CPNE2: variants seen among roughly 807,000 people sequenced by gnomAD.
CPNE2 encodes the protein copine 2.
In CPNE2, 42 loss-of-function variants were observed where a neutral mutation model predicts 69.7. The observed-to-expected ratio is 0.60, with a 90% CI of 0.47 to 0.78. CPNE2 has a LOEUF of 0.78. Ranked by LOEUF, CPNE2 falls within the 30% of genes least tolerant of loss-of-function variation. CPNE2 has a pLI of 0.00. For synonymous variants in CPNE2, 294 were observed against 289.8 expected, an observed-to-expected ratio of 1.01 and a Z score of -0.15; for missense variants, 587 against 732.0, an observed-to-expected ratio of 0.80 and a Z score of 2.29.
chr16:57,096,437 A>T (rs1366608752), intron 1 of CPNE2, among the ~76,000 whole-genome samples: 3 of 152,140 alleles, frequency 2.0e-5, no homozygotes, highest in Admixed American at 1.3e-4. Flanking sequence ...CACACCTGTA[A>T]TCCCAGTACT....
At chr16:57,101,541 G>A (rs1250525348) in intron 1 of CPNE2, among the ~76,000 whole-genome samples, 3 of 152,192 alleles carry the variant, frequency 2.0e-5, no homozygotes, top group South Asian at 2.1e-4. Flanking sequence ...CTGGAAGCTC[G>A]GTGTGTGAAG....
At chr16:57,139,977 A>G (rs1437812949) in intron 14 of CPNE2, among the ~76,000 whole-genome samples, 4 of 152,096 alleles carry the variant, frequency 2.6e-5, no homozygotes, top group African/African-American at 9.7e-5. Context: ...AGGGACGGAG[A>G]AGGACAGGCC....
intron 14 of CPNE2, chr16:57,141,149 C>T (rs2069919792): frequency 6.6e-6 from 1 of 152,348 alleles, no homozygotes; most frequent in South Asian, 2.1e-4. Flanking sequence ...AGAGCTGGGG[C>T]AGGACTGGGC....
At chr16:57,131,043 G>A (rs1255509053) in intron 12 of CPNE2, among the ~76,000 whole-genome samples, 1 of 152,148 alleles carries the variant, frequency 6.6e-6, no homozygotes, top group Non-Finnish European at 1.5e-5. Flanking sequence ...ATGCTGGGGA[G>A]TCGCTGCAGA....
intron 12 of CPNE2, among the ~76,000 whole-genome samples, chr16:57,134,235 T>G (rs553606876): frequency 6.6e-6 from 1 of 152,252 alleles, no homozygotes; most frequent in Admixed American, 6.5e-5. Context: ...TCTGATCCCC[T>G]TGCAGCCCCC....
chr16:57,140,574 T>A (rs1417029555), intron 14 of CPNE2, among the ~76,000 whole-genome samples: 1 of 150,716 alleles, frequency 6.6e-6, no homozygotes, highest in Admixed American at 6.6e-5. Flanking sequence ...GGAGGGATAT[T>A]TTTTTTTTGA....
chr16:57,118,648 A>AGATGGATGGATGGATG (rs3054318), intron 5 of CPNE2, among the ~76,000 whole-genome samples: 11 of 141,776 alleles, frequency 7.8e-5, no homozygotes, highest in Non-Finnish European at 1.4e-4. Context: ...GAGACCCCAT[A>AGATGGATGGATGGATG]GATGGATGGA....
At chr16:57,110,219 CTTTTCTT>C (rs1475197654) in intron 1 of CPNE2, among the ~76,000 whole-genome samples, 2 of 121,578 alleles carry the variant, frequency 1.6e-5, no homozygotes, top group Admixed American at 1.1e-4. Context: ...TTTTTCTTTT[CTTTTCTT>C]TTTTTTTTTT....
intron 14 of CPNE2, among the ~76,000 whole-genome samples, chr16:57,139,718 G>A (rs1417279292): frequency 2.6e-5 from 4 of 152,122 alleles, no homozygotes; most frequent in South Asian, 4.1e-4. Context: ...CAATAGGAGT[G>A]GGGAGTGGCA....
chr16:57,137,024 G>C (rs72778715), intron 13 of CPNE2, 125 bp from the exon 14 acceptor site: 186,634 of 1,366,010 alleles, frequency 0.14, 14,132 homozygotes, highest in Non-Finnish European at 0.15. Flanking sequence ...TGTCTCACAA[G>C]GCCTATGCTA....
rs78343717 is a variant in CPNE2, at chr16:57,096,119, T to G, written c.-36+3329T>G. Among the ~76,000 whole-genome samples, 781 of 152,302 alleles carry G rather than the reference T, an allele frequency of 5.1e-3. 3 individuals carry two copies. Among genetic ancestry groups the G allele is most frequent in the Non-Finnish European group, 8.5e-3 (576 of 68,028 alleles). Reference sequence around the variant, plus strand: ...TGCAGCCTCCTGTTAAATGAGTCTGTGATGTTGAGTGATGGATCCTGGGAG... The same window carrying G: ...TGCAGCCTCCTGTTAAATGAGTCTGGGATGTTGAGTGATGGATCCTGGGAG... On this transcript the variant is annotated intron_variant, in intron 1 of 15. Coordinates refer to ENST00000290776, the MANE Select transcript of CPNE2 (RefSeq NM_152727.6).
chr16:57,122,086 T>C (rs2069767177), intron 9 of CPNE2, among the ~76,000 whole-genome samples: 1 of 152,212 alleles, frequency 6.6e-6, no homozygotes, highest in Non-Finnish European at 1.5e-5. Context: ...ACGGTGGGCA[T>C]GCAAGGGGCA....
At position 57,146,226 on chromosome 16, in the gene CPNE2, T is replaced by C; in HGVS notation, c.1444T>C (p.Phe482Leu). The change falls in exon 15 of 16, where the codon TTC (phenylalanine) becomes CTC (leucine). Residue 482 changes from phenylalanine to leucine, a missense_variant. By Grantham distance (22) the Phe-to-Leu change is conservative (BLOSUM62 0). Coordinates refer to ENST00000290776, the MANE Select transcript of CPNE2 (RefSeq NM_152727.6). This position sits in a 1 kb window ranked among gnomAD's most constrained non-coding sequence, Gnocchi z 4.4. ...VGNADFAAME[F>L]LDGDSRMLRS... ...CAATGCGGACTTCGCTGCCATGGAG[T>C]TCCTGGATGGGGACAGCCGCATGCT... The C allele has an allele frequency of 6.4e-7, 1 of 1,563,886 alleles. No individual in the cohort carries two copies. The highest frequency in any genetic ancestry group is 8.7e-7 in the Non-Finnish European group (1 of 1,153,264).
At position 57,121,204 on chromosome 16, in the gene CPNE2, C is replaced by T. The variant is rs367673147; in HGVS notation, c.780+13C>T. 2.7e-5 allele frequency: 43 copies of T among 1,609,456 alleles called. No homozygotes were observed. In the African/African-American group the frequency reaches 2.8e-4, roughly 11 times the overall value. On this transcript the variant is annotated intron_variant, in intron 8 of 15. Coordinates refer to ENST00000290776, the MANE Select transcript of CPNE2 (RefSeq NM_152727.6). Reference sequence around the variant, plus strand: ...AGACAGCGTCCCGGTGAGATGGGCACGTGTACTGTAACCCCAAGACCTCAG... The same window carrying T: ...AGACAGCGTCCCGGTGAGATGGGCATGTGTACTGTAACCCCAAGACCTCAG...
Position 57,121,169 on chromosome 16 carries a change from G to T in CPNE2, c.758G>T (p.Cys253Phe). 2 of 1,614,044 alleles carry T rather than the reference G, an allele frequency of 1.2e-6. No individual in the cohort carries two copies. Among genetic ancestry groups the T allele is most frequent in the Non-Finnish European group, 1.7e-6 (2 of 1,179,968 alleles). ...TTCCAGACCTCAGTGTCACAGATGT[G>T]TGAGGCTCGAGACAGCGTCCCGGTG... is the stretch of plus-strand genomic sequence containing the variant. ...GEFQTSVSQM[C>F]EARDSVPLEF... The change falls in exon 8 of 16, where the codon TGT becomes TTT. Residue 253 changes from cysteine (C) to phenylalanine (F), a missense_variant. Cys to Phe is a radical substitution (Grantham distance 205). This residue lies in a region of CPNE2 where 269 missense variants were observed against 300.5 expected (regional missense o/e 0.90). Coordinates refer to ENST00000290776, the MANE Select transcript of CPNE2 (RefSeq NM_152727.6).
At chr16:57,138,614 C>T (rs1196951888) in intron 14 of CPNE2, among the ~76,000 whole-genome samples, 1 of 144,514 alleles carries the variant, frequency 6.9e-6, no homozygotes, top group Non-Finnish European at 1.5e-5. Context: ...GCAAGGCCCT[C>T]CCTCAGGGCC....
intron 10 of CPNE2, chr16:57,123,685 G>C (rs2069779637): frequency 1.7e-6 from 1 of 590,474 alleles, no homozygotes; most frequent in African/African-American, 1.9e-5. Context: ...CTACAGGTCA[G>C]AGCACAGCTG....
Position 57,137,413 on chromosome 16 carries a change from A to G in CPNE2, c.1302+131A>G, listed in dbSNP as rs891655715. ...TCTGGGCCTTGCTTTACCTTCACGT[A>G]TTGTAAAAGTTGAGTCAAGCTCAAC... is the stretch of plus-strand genomic sequence containing the variant. On this transcript the variant is annotated intron_variant, in intron 14 of 15. Coordinates refer to ENST00000290776, the MANE Select transcript of CPNE2 (RefSeq NM_152727.6). The G allele has an allele frequency of 2.5e-6, 3 of 1,222,620 alleles. No homozygotes were observed. The Admixed American group carries it at 7.5e-5, about 31-fold the overall frequency. The allele number at this position is 1,222,620 out of a possible 1,614,324, so 75.7% of individuals were successfully genotyped here. A position where few individuals can be genotyped will look rare whatever the true frequency, so the allele number is the denominator to read the frequency against.
intron 1 of CPNE2, among the ~76,000 whole-genome samples, chr16:57,097,174 C>T (rs537100986): frequency 6.6e-6 from 1 of 152,270 alleles, no homozygotes; most frequent in South Asian, 2.1e-4. Context: ...TCCACACTGC[C>T]CTATCACAAT....
Sources: allele counts gnomAD v4.1 joint callset (sites outside exome capture counted in the v4.1 genomes callset), GRCh38; gene constraint gnomAD v4.1.1; regional missense constraint gnomAD v4.1.1; non-coding constraint Gnocchi (gnomAD v3.1); transcripts MANE v1.5; gene names NCBI Gene and HGNC (gene_info 2026-07-23, HGNC 2026-07-21).